WRAP53: variants seen among roughly 807,000 people sequenced by gnomAD.
The protein encoded by WRAP53 is WD repeat containing antisense to TP53.
A neutral mutation model predicts 56.6 loss-of-function variants in WRAP53; 28 were observed. That is an observed-to-expected ratio of 0.50 (90% CI 0.37 to 0.68). The LOEUF (loss-of-function observed/expected upper bound fraction) is 0.68, where lower values mean the gene tolerates loss of function less well. Among genes scored for constraint, WRAP53 ranks in the 30% least tolerant of loss-of-function variants. The probability of loss-of-function intolerance (pLI) is 0.00; values close to 1 mark genes in which losing one functional copy is unlikely to be tolerated. For synonymous variants in WRAP53, 283 were observed against 283.4 expected, an observed-to-expected ratio of 1.00 and a Z score of 0.01; for missense variants, 671 against 715.5, an observed-to-expected ratio of 0.94 and a Z score of 0.71.
chr17:7,691,470 A>G (rs2074108587), intron 4 of WRAP53, among the ~76,000 whole-genome samples: 1 of 148,296 alleles, frequency 6.7e-6, no homozygotes, highest in African/African-American at 2.5e-5. Context: ...GCTCACTGCA[A>G]CCTCTGCCTC....
intron 4 of WRAP53, among the ~76,000 whole-genome samples, chr17:7,699,476 T>TTATATTTATA (rs2074235208): frequency 4.4e-4 from 5 of 11,396 alleles, no homozygotes; most frequent in Non-Finnish European, 6.7e-4. Flanking sequence ...ATATATATAT[T>TTATATTTATA]TATATATATA....
At position 7,700,809 on chromosome 17, in the gene WRAP53, A is replaced by T. The variant is rs527734640; in HGVS notation, c.711A>T (p.Ser237=). 3.1e-6 allele frequency: 5 copies of T among 1,612,908 alleles called. No homozygotes were observed. The highest frequency in any genetic ancestry group is 1.7e-4 in the Middle Eastern group (1 of 6,058). ...ACTGCTGGTATTCTCTGATGTCCTC[A>T]GCCCAGCCAGACACCTCCTAGTAAG... The part of the protein sequence containing the change: ...YDYCWYSLMS[S]AQPDTSYVAS... Residue 237 remains serine (S), a synonymous_variant, in exon 5 of 11, where the codon TCA becomes TCT. Coordinates refer to ENST00000396463, the MANE Select transcript of WRAP53 (RefSeq NM_001143992.2).
intron 4 of WRAP53, among the ~76,000 whole-genome samples, chr17:7,692,671 C>T (rs1786187031): frequency 6.7e-6 from 1 of 149,976 alleles, no homozygotes; most frequent in Non-Finnish European, 1.5e-5. Context: ...CCCACCCATC[C>T]TAATCAGGTT....
At chr17:7,692,334 T>A in intron 4 of WRAP53, among the ~76,000 whole-genome samples, 1 of 147,696 alleles carries the variant, frequency 6.8e-6, no homozygotes, top group South Asian at 2.2e-4. Flanking sequence ...CAAAAATTAG[T>A]TGGGGCTGGG....
At chr17:7,691,800 C>T (rs1023874301) in intron 4 of WRAP53, among the ~76,000 whole-genome samples, 3 of 151,700 alleles carry the variant, frequency 2.0e-5, no homozygotes, top group Non-Finnish European at 1.5e-5. Context: ...GCTAGGATTA[C>T]AGGCGTGAGC....
intron 4 of WRAP53, among the ~76,000 whole-genome samples, chr17:7,693,262 G>A (rs913843973): frequency 2.6e-5 from 4 of 151,692 alleles, no homozygotes; most frequent in South Asian, 2.1e-4. Context: ...CTCGGTACCC[G>A]CTAGAGGTCT....
intron 4 of WRAP53, among the ~76,000 whole-genome samples, chr17:7,691,913 C>T (rs1244334730): frequency 1.3e-4 from 19 of 151,670 alleles, no homozygotes; most frequent in South Asian, 4.2e-4. Flanking sequence ...CTCAGCTCAC[C>T]GCAACCTCCG....
chr17:7,699,505 T>A (rs1479466407), intron 4 of WRAP53, among the ~76,000 whole-genome samples: 1 of 22,786 alleles, frequency 4.4e-5, no homozygotes, highest in African/African-American at 2.6e-4. Flanking sequence ...TATATATTTA[T>A]ATATATATAT....
chr17:7,690,022 C>T (rs1038736794), intron 4 of WRAP53, among the ~76,000 whole-genome samples: 11 of 150,514 alleles, frequency 7.3e-5, no homozygotes, highest in Non-Finnish European at 1.3e-4. Context: ...GATCTCGGCT[C>T]ACTGCAACCT....
intron 4 of WRAP53, among the ~76,000 whole-genome samples, chr17:7,691,252 CAAAA>C (rs1207096663): frequency 2.0e-5 from 3 of 150,294 alleles, no homozygotes; most frequent in Admixed American, 6.6e-5. Context: ...AAACACAAAA[CAAAA>C]AACCCAGAAT....
chr17:7,689,357 C>T, intron 3 of WRAP53, 35 bp downstream of exon 3: 3 of 1,601,460 alleles, frequency 1.9e-6, no homozygotes, highest in Non-Finnish European at 1.7e-6. Flanking sequence ...GCTGACCACC[C>T]CCGAGATTTT....
chr17:7,696,556 C>G (rs2074189004), intron 4 of WRAP53, among the ~76,000 whole-genome samples: 1 of 152,122 alleles, frequency 6.6e-6, no homozygotes, highest in Non-Finnish European at 1.5e-5. Context: ...CCTTGGCCTC[C>G]CAAAGTGCTG....
rs146651237 is a variant in WRAP53 at position 7,703,360 on chromosome 17, C to G, written c.1521C>G (p.His507Gln). The G allele has an allele frequency of 1.2e-6, 2 of 1,614,026 alleles. No individual in the cohort carries two copies. The highest frequency in any genetic ancestry group is 1.7e-6 in the Non-Finnish European group (2 of 1,180,002). Residue 507 changes from histidine to glutamine, a missense_variant, in exon 11 of 11, where the codon CAC (histidine) becomes CAG (glutamine). By Grantham distance (24) the His-to-Gln change is conservative. Coordinates refer to ENST00000396463, the MANE Select transcript of WRAP53 (RefSeq NM_001143992.2). Reference sequence around the variant, plus strand: ...GCCTTCCCTTGCTCTCCACGCGCCACGTCCACCTTGAATGTCGGCTTCAGC... The same window carrying G: ...GCCTTCCCTTGCTCTCCACGCGCCAGGTCCACCTTGAATGTCGGCTTCAGC... ...ELGLPLLSTR[H>Q]VHLECRLQLW... is the part of the protein sequence containing the mutation.
chr17:7,701,137 T>A lies in WRAP53; in HGVS notation c.731+308T>A, dbSNP rs745924095. On this transcript the variant is annotated intron_variant, in intron 5 of 10. Transcript: ENST00000396463. The surrounding 1 kb of genome is among the most constrained non-coding windows in gnomAD (Gnocchi z 4.2). ...ACAGGTGTGCACCACCACACCCAGC[T>A]AATTGTGTATTTTTCATAGAGATGG... Among the ~76,000 whole-genome samples, 1 of 152,112 alleles carries A rather than the reference T, an allele frequency of 6.6e-6. No individual in the cohort carries two copies. The highest frequency in any genetic ancestry group is 1.5e-5 in the Non-Finnish European group (1 of 68,000).
chr17:7,694,705 A>G (rs577734476), intron 4 of WRAP53, among the ~76,000 whole-genome samples: 1 of 152,130 alleles, frequency 6.6e-6, no homozygotes, highest in East Asian at 1.9e-4. Context: ...AGTTGGGCCT[A>G]TGGTCCCAGC....
At chr17:7,692,714 C>T (rs2074129108) in intron 4 of WRAP53, among the ~76,000 whole-genome samples, 1 of 145,778 alleles carries the variant, frequency 6.9e-6, no homozygotes, top group African/African-American at 2.5e-5. Context: ...GTGCTCTTGT[C>T]AAGGTCACTA....
At chr17:7,687,313 A>C (rs2074021558), upstream of WRAP53, 1 of 398,016 alleles carries the variant, frequency 2.5e-6, no homozygotes, top group South Asian at 1.3e-4. Context: ...TCCCGAGCTG[A>C]AAATACACGG....
intron 4 of WRAP53, among the ~76,000 whole-genome samples, chr17:7,699,472 ATATT>A (rs1159718473): frequency 1.5e-3 from 20 of 13,684 alleles, no homozygotes; most frequent in South Asian, 2.6e-3. Flanking sequence ...ATATATATAT[ATATT>A]TATATATATA....
upstream of WRAP53, chr17:7,688,218 G>A (rs556234644): frequency 5.1e-6 from 1 of 195,446 alleles, no homozygotes; most frequent in South Asian, 8.5e-5. Flanking sequence ...GGTGCTTTAA[G>A]AATTACCGCG....
Sources: allele counts gnomAD v4.1 joint callset (sites outside exome capture counted in the v4.1 genomes callset), GRCh38; gene constraint gnomAD v4.1.1; non-coding constraint Gnocchi (gnomAD v3.1); transcripts MANE v1.5; gene names NCBI Gene and HGNC (gene_info 2026-07-23, HGNC 2026-07-21).